Variants in COBLL1 observed in about 807,000 individuals in gnomAD.
COBLL1 encodes cordon-bleu WH2 repeat protein like 1, also known as cordon-bleu protein-like 1.
COBLL1 carries 50 observed loss-of-function variants against 94.8 expected under a neutral mutation model. The ratio of observed to expected loss-of-function variants is 0.53; its 90% CI spans 0.42 to 0.67. COBLL1 has a LOEUF of 0.67. Among genes scored for constraint, COBLL1 ranks in the 30% least tolerant of loss-of-function variants. COBLL1 has a pLI of 0.00. For missense variants in COBLL1, 1,362 were observed against 1,348.7 expected (o/e 1.01, Z -0.15); for synonymous variants, 448 against 473.8 (o/e 0.95, Z 0.71).
intron 2 of COBLL1, among the ~76,000 whole-genome samples, chr2:164,662,747 T>A (rs559534418): frequency 2.4e-4 from 37 of 152,254 alleles, no homozygotes; most frequent in African/African-American, 6.5e-4. Context: ...TCTGGTTGAC[T>A]AAAAGTGTGT....
At chr2:164,784,309 A>C (rs1688846161) in intron 2 of COBLL1, among the ~76,000 whole-genome samples, 1 of 152,180 alleles carries the variant, frequency 6.6e-6, no homozygotes, top group Non-Finnish European at 1.5e-5. Flanking sequence ...CTCAATAAAC[A>C]TGTGCTTTTG....
In COBLL1 at chr2:164,827,745, T is replaced by C. The variant is rs142047070; in HGVS notation, c.41+13411A>G. 4.0e-3 allele frequency among the ~76,000 whole-genome samples: 609 copies of C among 152,316 alleles called. 1 individual carries two copies. The highest frequency in any genetic ancestry group is 0.014 in the African/African-American group (584 of 41,556). On this transcript the variant is annotated intron_variant, in intron 2 of 13. Coordinates refer to ENST00000652658, the MANE Select transcript of COBLL1 (RefSeq NM_001365672.2). ...TTAATGACTATTTCACTCTCAAACG[T>C]ACAACCTGTTCTATAAATAAAATAG...
chr2:164,662,658 T>G (rs2105382931), intron 2 of COBLL1, among the ~76,000 whole-genome samples: 1 of 152,286 alleles, frequency 6.6e-6, no homozygotes, highest in South Asian at 2.1e-4. Flanking sequence ...CATTAACGGT[T>G]TACCATTATC....
chr2:164,675,852 T>C (rs1310752518), downstream of COBLL1, among the ~76,000 whole-genome samples: 1 of 152,190 alleles, frequency 6.6e-6, no homozygotes, highest in Non-Finnish European at 1.5e-5. Flanking sequence ...ACATAAGCAC[T>C]GGCCACCTGC....
chr2:164,789,874 G>A (rs1005398318), intron 2 of COBLL1, among the ~76,000 whole-genome samples: 2 of 152,180 alleles, frequency 1.3e-5, no homozygotes, highest in African/African-American at 4.8e-5. Flanking sequence ...TAAATTGATA[G>A]ATATTTTACA....
chr2:164,661,047 T>A (rs1222507918), intron 2 of COBLL1, among the ~76,000 whole-genome samples: 1 of 152,156 alleles, frequency 6.6e-6, no homozygotes, highest in African/African-American at 2.4e-5. Context: ...ACATTTCAAC[T>A]AGTTTCTACC....
intron 11 of COBLL1, chr2:164,698,093 A>G (rs1684047745): frequency 6.6e-6 from 1 of 152,060 alleles, no homozygotes; most frequent in Non-Finnish European, 1.5e-5. Flanking sequence ...GTACTACGTA[A>G]ATGTACTTGT....
rs114630578 is a variant in COBLL1, at chr2:164,683,594, A to G, written c.*2352T>C. 1.3e-5 allele frequency: 2 copies of G among 152,292 alleles called. No homozygotes were observed. The highest frequency in any genetic ancestry group is 2.9e-5 in the Non-Finnish European group (2 of 68,008). 9.4% of individuals were successfully genotyped at this position (152,292 alleles called of 1,614,324 possible). A position where few individuals can be genotyped will look rare whatever the true frequency, so the allele number is the denominator to read the frequency against. On this transcript the variant is annotated 3_prime_UTR_variant, in exon 14 of 14. Coordinates refer to ENST00000652658, the MANE Select transcript of COBLL1 (RefSeq NM_001365672.2). ...CAGTTTATAAAATACTACGAACACA[A>G]TTGATGCCTCTTATAAATCTCAATT...
chr2:164,775,795 T>G (rs888787880), intron 2 of COBLL1, among the ~76,000 whole-genome samples: 1 of 152,078 alleles, frequency 6.6e-6, no homozygotes. Flanking sequence ...CCTCCTCTTA[T>G]GCCCTCAAAG....
intron 2 of COBLL1, among the ~76,000 whole-genome samples, chr2:164,787,608 C>A (rs372346328): frequency 6.6e-6 from 1 of 152,062 alleles, no homozygotes; most frequent in East Asian, 1.9e-4. Context: ...GCTTCTTATA[C>A]CTTTCCACTC....
intron 2 of COBLL1, among the ~76,000 whole-genome samples, chr2:164,787,866 T>C (rs1257421379): frequency 6.6e-6 from 1 of 152,212 alleles, no homozygotes; most frequent in East Asian, 1.9e-4. Flanking sequence ...TATTCCATTG[T>C]TGATTTCATA....
intron 9 of COBLL1, chr2:164,703,333 G>A (rs73013656): frequency 0.047 from 32,335 of 681,096 alleles, 1,692 homozygotes; most frequent in African/African-American, 0.21. Flanking sequence ...AATTATCCAT[G>A]CATTAAATAA....
In COBLL1 at chr2:164,695,043, A is replaced by G; in HGVS notation, c.2349T>C (p.Ser783=). ...GCTCTTCTGGGCTTTCAGAAATAGC[A>G]GAATCTTCTGTTTGGATGGCAGTTT... ...VKETAIQTED[S]AISESPEEPL... The change falls in exon 12 of 14, where the codon TCT becomes TCC. Residue 783 remains serine (S), a synonymous_variant. Transcript: ENST00000652658. 6.2e-7 allele frequency: 1 copy of G among 1,613,932 alleles called. No homozygotes were observed. Among genetic ancestry groups the G allele is most frequent in the Non-Finnish European group, 8.5e-7 (1 of 1,179,966 alleles).
At chr2:164,771,329 A>G (rs1453052153) in intron 2 of COBLL1, among the ~76,000 whole-genome samples, 1 of 152,076 alleles carries the variant, frequency 6.6e-6, no homozygotes, top group Non-Finnish European at 1.5e-5. Context: ...ACACGTAATC[A>G]ATTTGATATT....
At position 164,751,370 on chromosome 2, in the gene COBLL1, G is replaced by C. The variant is rs180819058; in HGVS notation, c.42-7495C>G. On this transcript the variant is annotated intron_variant, in intron 2 of 13. Coordinates refer to ENST00000652658, the MANE Select transcript of COBLL1 (RefSeq NM_001365672.2). ...AGAACTATAACTGGCACAAGATGGG[G>C]TTCTCTATGAGCATTTTTTTTTATT... is the stretch of plus-strand genomic sequence containing the variant. Among the ~76,000 whole-genome samples the C allele has an allele frequency of 2.9e-3, 435 of 152,076 alleles. 1 individual carries two copies. Among genetic ancestry groups the C allele is most frequent in the Non-Finnish European group, 3.7e-3 (252 of 68,004 alleles).
Position 164,695,474 on chromosome 2 carries a change from T to C in COBLL1, c.1918A>G (p.Thr640Ala). Reference protein sequence around the residue: ...CVQTSNNNISTQHSCLSSQDS... With the variant: ...CVQTSNNNISAQHSCLSSQDS... ...TGTGAACTTAAGCATGAGTGTTGAG[T>C]TGATATGTTGTTATTTGAAGTTTGC... The change falls in exon 12 of 14, where the codon ACT (threonine) becomes GCT (alanine). Residue 640 changes from threonine (T) to alanine (A), a missense_variant. Transcript: ENST00000652658. 2 of 1,613,842 alleles carry C rather than the reference T, an allele frequency of 1.2e-6. No homozygotes were observed. Among genetic ancestry groups the C allele is most frequent in the Admixed American group, 1.7e-5 (1 of 59,976 alleles).
intron 2 of COBLL1, among the ~76,000 whole-genome samples, chr2:164,758,699 A>C (rs1254243208): frequency 1.3e-5 from 2 of 152,192 alleles, no homozygotes; most frequent in Admixed American, 6.5e-5. Context: ...ATATGAGAAG[A>C]GAGAACTATG....
chr2:164,734,292 G>C (rs1214236877), intron 3 of COBLL1, among the ~76,000 whole-genome samples: 2 of 151,952 alleles, frequency 1.3e-5, no homozygotes, highest in Non-Finnish European at 1.5e-5. Context: ...ACCTTGAAGG[G>C]ACTGGGATAT....
chr2:164,747,794 G>GA (rs1260502981), intron 2 of COBLL1, among the ~76,000 whole-genome samples: 7 of 152,056 alleles, frequency 4.6e-5, no homozygotes, highest in Non-Finnish European at 8.8e-5. Flanking sequence ...AGACTTCTAG[G>GA]AAAAACATCC....
Sources: allele counts gnomAD v4.1 joint callset (sites outside exome capture counted in the v4.1 genomes callset), GRCh38; gene constraint gnomAD v4.1.1; transcripts MANE v1.5; gene names NCBI Gene and HGNC (gene_info 2026-07-23, HGNC 2026-07-21).